Variants in IQGAP2 observed in about 807,000 individuals in gnomAD.
IQGAP2 encodes the protein ras GTPase-activating-like protein IQGAP2.
Under a neutral mutation model 201.3 loss-of-function variants are expected in IQGAP2, and 173 were observed. That is an observed-to-expected ratio of 0.86 (90% CI 0.76 to 0.98). The LOEUF (loss-of-function observed/expected upper bound fraction) is 0.98. Among genes scored for constraint, IQGAP2 ranks in the 50% least tolerant of loss-of-function variants. The probability of loss-of-function intolerance (pLI) is 0.00; values close to 1 mark genes in which losing one functional copy is unlikely to be tolerated. For missense variants in IQGAP2, 1,687 were observed against 1,864.8 expected, an observed-to-expected ratio of 0.90 and a Z score of 1.76; for synonymous variants, 675 against 673.9, an observed-to-expected ratio of 1.00 and a Z score of -0.03.
chr5:76,464,653 C>G (rs1362476752), intron 2 of IQGAP2, among the ~76,000 whole-genome samples: 3 of 151,960 alleles, frequency 2.0e-5, no homozygotes, highest in Non-Finnish European at 2.9e-5. Context: ...TTATAATATT[C>G]CAGTATATCT....
At chr5:76,409,151 T>C (rs1244205963) in intron 1 of IQGAP2, among the ~76,000 whole-genome samples, 1 of 151,548 alleles carries the variant, frequency 6.6e-6, no homozygotes, top group East Asian at 1.9e-4. Flanking sequence ...CCTGTGGCCA[T>C]TGGATAGTGT....
At chr5:76,565,667 T>G (rs375219580) in intron 3 of IQGAP2, among the ~76,000 whole-genome samples, 1 of 152,170 alleles carries the variant, frequency 6.6e-6, no homozygotes, top group African/African-American at 2.4e-5. Flanking sequence ...GGGCAGGGTC[T>G]TATCCACAGT....
intron 30 of IQGAP2, among the ~76,000 whole-genome samples, chr5:76,684,978 C>T (rs376499709): frequency 1.1e-4 from 17 of 152,236 alleles, no homozygotes; most frequent in African/African-American, 4.1e-4. Context: ...GGTCATGCAG[C>T]AAATGCTTGA....
chr5:76,542,445 G>A (rs1237542187), intron 2 of IQGAP2, among the ~76,000 whole-genome samples: 6 of 152,170 alleles, frequency 3.9e-5, no homozygotes, highest in African/African-American at 4.8e-5. Flanking sequence ...TACCGGTACC[G>A]GCCTCACCCC....
chr5:76,618,734 A>C, intron 13 of IQGAP2: 1 of 1,120,546 alleles, frequency 8.9e-7, no homozygotes. Flanking sequence ...GTGATTGTAG[A>C]ATTTAAGATC....
intron 17 of IQGAP2, among the ~76,000 whole-genome samples, chr5:76,643,411 A>G (rs1464345113): frequency 6.6e-6 from 1 of 152,226 alleles, no homozygotes; most frequent in African/African-American, 2.4e-5. Context: ...CTCATCTGAA[A>G]AATATAATGC....
chr5:76,585,321 A>T (rs970973341), intron 5 of IQGAP2, among the ~76,000 whole-genome samples: 24 of 152,180 alleles, frequency 1.6e-4, no homozygotes, highest in Non-Finnish European at 3.2e-4. Context: ...CATTTTATGG[A>T]TGTCTGCTTA....
chr5:76,544,881 A>T (rs1742999661), intron 2 of IQGAP2, among the ~76,000 whole-genome samples: 1 of 152,170 alleles, frequency 6.6e-6, no homozygotes, highest in Non-Finnish European at 1.5e-5. Context: ...ATAGCGATAG[A>T]ACTATATGTA....
At chr5:76,503,298 T>C (rs10059685) in intron 2 of IQGAP2, among the ~76,000 whole-genome samples, 45,621 of 149,668 alleles carry the variant, frequency 0.3, 7,920 homozygotes, top group Middle Eastern at 0.41. Context: ...CTCAGCCTCC[T>C]GAGTAGCTGG....
intron 2 of IQGAP2, among the ~76,000 whole-genome samples, chr5:76,474,030 G>A (rs564966892): frequency 6.6e-6 from 1 of 152,194 alleles, no homozygotes; most frequent in Non-Finnish European, 1.5e-5. Flanking sequence ...CCATTTTTAG[G>A]GTGATATAGA....
chr5:76,626,677 G>T (rs1325126784), intron 13 of IQGAP2, among the ~76,000 whole-genome samples: 1 of 152,072 alleles, frequency 6.6e-6, no homozygotes, highest in East Asian at 1.9e-4. Context: ...GATAAATATC[G>T]ACGATCCCTG....
intron 1 of IQGAP2, among the ~76,000 whole-genome samples, chr5:76,457,899 A>C (rs1462499422): frequency 6.6e-6 from 1 of 152,246 alleles, no homozygotes; most frequent in Non-Finnish European, 1.5e-5. Context: ...TGAGTTGCTA[A>C]TACATCAGAA....
intron 2 of IQGAP2, among the ~76,000 whole-genome samples, chr5:76,483,312 GCACCGGGAGAGTAGGAGA>G (rs1755902415): frequency 6.6e-6 from 1 of 152,306 alleles, no homozygotes; most frequent in Admixed American, 6.5e-5. Flanking sequence ...CTCTGTTGTA[GCACCGGGAGAGTAGGAGA>G]CCTCTTTTTA....
chr5:76,646,895 T>C (rs1752083194), intron 17 of IQGAP2, among the ~76,000 whole-genome samples: 1 of 152,226 alleles, frequency 6.6e-6, no homozygotes, highest in Non-Finnish European at 1.5e-5. Flanking sequence ...TATTGTGTTG[T>C]TTATTCTTGA....
At chr5:76,416,138 G>T (rs1054051415) in intron 1 of IQGAP2, among the ~76,000 whole-genome samples, 1 of 152,188 alleles carries the variant, frequency 6.6e-6, no homozygotes, top group Non-Finnish European at 1.5e-5. Flanking sequence ...TCAACAGGAG[G>T]TGCTAGATGC....
At chr5:76,691,939 A>AT (rs1210235321) in intron 30 of IQGAP2, among the ~76,000 whole-genome samples, 1 of 152,224 alleles carries the variant, frequency 6.6e-6, no homozygotes, top group African/African-American at 2.4e-5. Context: ...TCTAAATTTC[A>AT]TGCTACATGA....
rs556825811 is a variant in IQGAP2 at position 76,676,855 on chromosome 5, C to G, written c.3528-363C>G. Reference sequence around the variant, plus strand: ...TTGCTTTTTTTTCTATTGTATTCCTCACACAGACTTGATTCTTAGATCAAG... The same window carrying G: ...TTGCTTTTTTTTCTATTGTATTCCTGACACAGACTTGATTCTTAGATCAAG... On this transcript the variant is annotated intron_variant, in intron 27 of 35. Coordinates refer to ENST00000274364, the MANE Select transcript of IQGAP2 (RefSeq NM_006633.5). Among the ~76,000 whole-genome samples, 8 of 152,320 alleles carry G rather than the reference C, an allele frequency of 5.3e-5. No homozygotes were observed. The South Asian group carries it at 1.7e-3, about 32-fold the overall frequency.
At chr5:76,616,361 C>A (rs1482170978) in intron 13 of IQGAP2, 2 of 152,550 alleles carry the variant, frequency 1.3e-5, no homozygotes, top group African/African-American at 4.8e-5. Flanking sequence ...GTGCCTATAT[C>A]ATAAGCAAGG....
chr5:76,459,839 C>A (rs902760973), intron 1 of IQGAP2, among the ~76,000 whole-genome samples: 3 of 152,018 alleles, frequency 2.0e-5, no homozygotes, highest in African/African-American at 7.2e-5. Flanking sequence ...TGGGATTTCA[C>A]CATGTTGCCC....
Sources: allele counts gnomAD v4.1 joint callset (sites outside exome capture counted in the v4.1 genomes callset), GRCh38; gene constraint gnomAD v4.1.1; transcripts MANE v1.5; gene names NCBI Gene and HGNC (gene_info 2026-07-23, HGNC 2026-07-21).